The following ITGBL1 variants were observed in gnomAD, a reference collection of about 807,000 sequenced individuals.
The protein encoded by ITGBL1 is integrin subunit beta like 1.
A neutral mutation model predicts 68.5 loss-of-function variants in ITGBL1; 51 were observed. The observed-to-expected ratio is 0.74, with a 90% CI of 0.59 to 0.94. The LOEUF is 0.94. Among genes scored for constraint, ITGBL1 ranks in the 40% least tolerant of loss-of-function variants. The pLI is 0.00. For synonymous variants in ITGBL1, 209 were observed against 227.3 expected (o/e 0.92, Z 0.72); for missense variants, 649 against 647.4 (o/e 1.00, Z -0.03).
intron 2 of ITGBL1, among the ~76,000 whole-genome samples, chr13:101,566,899 A>G (rs753187831): frequency 6.6e-6 from 1 of 152,172 alleles, no homozygotes; most frequent in East Asian, 1.9e-4. Flanking sequence ...CAAGGTGACA[A>G]TCACTTCTGG....
At chr13:101,622,436 A>T (rs1227494478) in intron 7 of ITGBL1, among the ~76,000 whole-genome samples, 1 of 152,130 alleles carries the variant, frequency 6.6e-6, no homozygotes, top group Non-Finnish European at 1.5e-5. Context: ...GACACCTTGT[A>T]AGCCTGAAAA....
At chr13:101,637,552 T>G (rs1370714753) in intron 7 of ITGBL1, among the ~76,000 whole-genome samples, 1 of 151,970 alleles carries the variant, frequency 6.6e-6, no homozygotes, top group African/African-American at 2.4e-5. Flanking sequence ...ATTGTGTTAG[T>G]CAGAAAGGTC....
intron 7 of ITGBL1, among the ~76,000 whole-genome samples, chr13:101,671,436 TGTTTTTTTTTG>T (rs1434290415): frequency 8.7e-5 from 5 of 57,282 alleles, no homozygotes; most frequent in East Asian, 1.6e-3. Flanking sequence ...GTTTTTTTTT[TGTTTTTTTTTG>T]TTTTTTTTTG....
At chr13:101,583,444 T>G in intron 6 of ITGBL1, 88 bp downstream of exon 6, 1 of 1,103,384 alleles carries the variant, frequency 9.1e-7, no homozygotes, top group South Asian at 1.9e-5. Flanking sequence ...TTAGAAAGAA[T>G]AAATAAGACA....
intron 6 of ITGBL1, among the ~76,000 whole-genome samples, chr13:101,590,960 G>A (rs1484134642): frequency 6.6e-6 from 1 of 152,040 alleles, no homozygotes; most frequent in South Asian, 2.1e-4. Context: ...CTGGCGTGCA[G>A]TGGCACAGTC....
At chr13:101,554,367 C>T (rs1051011649) in intron 2 of ITGBL1, among the ~76,000 whole-genome samples, 1 of 152,196 alleles carries the variant, frequency 6.6e-6, no homozygotes, top group African/African-American at 2.4e-5. Context: ...AAACTGTTCA[C>T]AGTTCACAGG....
intron 2 of ITGBL1, among the ~76,000 whole-genome samples, chr13:101,545,609 A>G (rs9557698): frequency 0.22 from 33,005 of 152,236 alleles, 3,950 homozygotes; most frequent in East Asian, 0.45. Context: ...AACGACATAT[A>G]ATTCAGCAGT....
intron 6 of ITGBL1, among the ~76,000 whole-genome samples, chr13:101,585,438 T>C (rs1400366174): frequency 6.6e-6 from 1 of 152,158 alleles, no homozygotes; most frequent in Non-Finnish European, 1.5e-5. Flanking sequence ...GACAATACCA[T>C]TTTCTTTTTT....
intron 2 of ITGBL1, among the ~76,000 whole-genome samples, chr13:101,558,909 G>T (rs1016368915): frequency 1.6e-5 from 1 of 61,916 alleles, no homozygotes; most frequent in African/African-American, 6.7e-5. Context: ...ATTTGTGTGT[G>T]TATGTGTGTG....
chr13:101,540,662 G>A (rs1210948234), intron 2 of ITGBL1, among the ~76,000 whole-genome samples: 9 of 152,260 alleles, frequency 5.9e-5, no homozygotes, highest in African/African-American at 1.2e-4. Context: ...CCATTTTCAC[G>A]ATATCGATTC....
At chr13:101,696,682 A>G (rs1172367721) in intron 8 of ITGBL1, among the ~76,000 whole-genome samples, 1 of 152,100 alleles carries the variant, frequency 6.6e-6, no homozygotes, top group African/African-American at 2.4e-5. Flanking sequence ...ATGAAGTTGT[A>G]TTGAGAGTGT....
rs78815504 is a variant in ITGBL1 at position 101,694,873 on chromosome 13, G to T, written c.1132+2172G>T. Among the ~76,000 whole-genome samples, 363 of 152,230 alleles carry T rather than the reference G, an allele frequency of 2.4e-3. 7 individuals carry two copies. The East Asian group carries it at 0.057, about 24-fold the overall frequency. On this transcript the variant is annotated intron_variant, in intron 8 of 10. Coordinates refer to ENST00000376180, the MANE Select transcript of ITGBL1 (RefSeq NM_004791.3). ...AGATTCTTTTCAATTTCTAATAAAA[G>T]ATTTTCATATGGGAATTCCTCCAAA...
chr13:101,580,738 A>G (rs1466948375), intron 5 of ITGBL1, among the ~76,000 whole-genome samples: 1 of 152,170 alleles, frequency 6.6e-6, no homozygotes, highest in Non-Finnish European at 1.5e-5. Context: ...GAAAATGACT[A>G]TTTGGCTGTC....
chr13:101,627,157 C>G (rs988387082), intron 7 of ITGBL1, among the ~76,000 whole-genome samples: 3 of 152,160 alleles, frequency 2.0e-5, no homozygotes, highest in African/African-American at 7.2e-5. Context: ...CACTGCTTCT[C>G]AAAGTGTAGT....
chr13:101,680,542 T>G (rs944745784), intron 7 of ITGBL1, among the ~76,000 whole-genome samples: 1 of 152,050 alleles, frequency 6.6e-6, no homozygotes, highest in Non-Finnish European at 1.5e-5. Context: ...ACTTTTTTTT[T>G]TTTTCATAGA....
At chr13:101,503,395 A>AATTTG (rs1017746636) in intron 2 of ITGBL1, among the ~76,000 whole-genome samples, 1 of 152,174 alleles carries the variant, frequency 6.6e-6, no homozygotes, top group Non-Finnish European at 1.5e-5. Flanking sequence ...TGCTAACAAG[A>AATTTG]ATTTGAAGAA....
intron 6 of ITGBL1, among the ~76,000 whole-genome samples, chr13:101,594,019 C>T (rs2050701508): frequency 6.6e-6 from 1 of 151,984 alleles, no homozygotes; most frequent in African/African-American, 2.4e-5. Flanking sequence ...GATTCTACCC[C>T]ATAAATATGT....
intron 2 of ITGBL1, among the ~76,000 whole-genome samples, chr13:101,516,138 T>C (rs1168795824): frequency 6.6e-6 from 1 of 152,166 alleles, no homozygotes; most frequent in African/African-American, 2.4e-5. Context: ...AATGAGCTAA[T>C]TTTGGTGCAC....
intron 7 of ITGBL1, among the ~76,000 whole-genome samples, chr13:101,646,961 A>G (rs866520551): frequency 6.6e-6 from 1 of 152,132 alleles, no homozygotes; most frequent in Non-Finnish European, 1.5e-5. Flanking sequence ...ACAAGAAATA[A>G]TAGAAATTAA....
Sources: allele counts gnomAD v4.1 joint callset (sites outside exome capture counted in the v4.1 genomes callset), GRCh38; gene constraint gnomAD v4.1.1; transcripts MANE v1.5; gene names NCBI Gene and HGNC (gene_info 2026-07-23, HGNC 2026-07-21).